MAPK4: variants seen among roughly 807,000 people sequenced by gnomAD.
The protein encoded by MAPK4 is Erk3-related.
In MAPK4, 22 loss-of-function variants were observed where a neutral mutation model predicts 47.7. The ratio of observed to expected loss-of-function variants is 0.46; its 90% CI spans 0.33 to 0.66. The LOEUF (loss-of-function observed/expected upper bound fraction) is 0.66. MAPK4 is among the 30% of genes least tolerant of loss of function. The pLI is 0.02. For missense variants in MAPK4, 736 were observed against 831.7 expected (o/e 0.88, Z 1.42); for synonymous variants, 390 against 365.7 (o/e 1.07, Z -0.76).
At chr18:50,700,422 A>G (rs1286926084) in intron 2 of MAPK4, among the ~76,000 whole-genome samples, 1 of 152,244 alleles carries the variant, frequency 6.6e-6, no homozygotes, top group Non-Finnish European at 1.5e-5. Context: ...ATACTCTACA[A>G]CTGTGAAAGT....
intron 1 of MAPK4, among the ~76,000 whole-genome samples, chr18:50,595,001 G>A (rs2042469615): frequency 6.6e-6 from 1 of 152,148 alleles, no homozygotes; most frequent in Admixed American, 6.5e-5. Flanking sequence ...AAACCACAAT[G>A]GGATACTATT....
rs1440070542 is a variant in MAPK4, at chr18:50,678,977, C to T, written c.546+14473C>T. Among the ~76,000 whole-genome samples, 1 of 152,164 alleles carries T rather than the reference C, an allele frequency of 6.6e-6. No homozygotes were observed. Among genetic ancestry groups the T allele is most frequent in the Non-Finnish European group, 1.5e-5 (1 of 68,028 alleles). ...ATACAAATACTACCATCTGTAGGAA[C>T]CATGCAAACTCCAGCAGTAAGCTCG... On this transcript the variant is annotated intron_variant, in intron 2 of 5. Coordinates refer to ENST00000400384, the MANE Select transcript of MAPK4 (RefSeq NM_002747.4). This position sits in a 1 kb window ranked among gnomAD's most constrained non-coding sequence, Gnocchi z 4.2.
At chr18:50,715,664 T>C (rs1450735415) in intron 3 of MAPK4, among the ~76,000 whole-genome samples, 1 of 152,234 alleles carries the variant, frequency 6.6e-6, no homozygotes, top group Non-Finnish European at 1.5e-5. Flanking sequence ...TGAGATGGCA[T>C]CATCTATGAA....
In MAPK4 at chr18:50,725,929, A is replaced by C. The variant is rs192359160; in HGVS notation, c.854-33A>C. On this transcript the variant is annotated intron_variant, in intron 4 of 5. Transcript: ENST00000400384. ...CCTTCTGAGCTCAACAAGGGCAACA[A>C]ATGACCTTCATGTCCGGCTTTGCTC... is the stretch of plus-strand genomic sequence containing the variant. 528 of 1,567,908 alleles carry C rather than the reference A, an allele frequency of 3.4e-4. 1 individual carries two copies. Among genetic ancestry groups the C allele is most frequent in the Non-Finnish European group, 4.3e-4 (495 of 1,138,236 alleles).
At chr18:50,573,629 C>T (rs1368296854) in intron 1 of MAPK4, among the ~76,000 whole-genome samples, 1 of 152,180 alleles carries the variant, frequency 6.6e-6, no homozygotes, top group Non-Finnish European at 1.5e-5. Context: ...TTGTATGCAT[C>T]TCCCATACCC....
At position 50,729,424 on chromosome 18, in the gene MAPK4, A is replaced by G. The variant is rs764881429; in HGVS notation, c.1334A>G (p.Asp445Gly). 5.2e-6 allele frequency: 8 copies of G among 1,547,880 alleles called. No individual in the cohort carries two copies. The South Asian group carries it at 8.2e-5, about 16-fold the overall frequency. The stretch of plus-strand genomic sequence containing the variant: ...TACCTGGACAAGCTGCTGTGGCGCG[A>G]CAACAAGCCGCACCACTACTCGGAG... ...PSYLDKLLWR[D>G]NKPHHYSEPK... is the part of the protein sequence containing the mutation. Residue 445 changes from aspartate to glycine, a missense_variant, in exon 6 of 6, where the codon GAC (aspartate) becomes GGC (glycine). This residue lies in a region of MAPK4 where 377 missense variants were observed against 378.6 expected (regional missense o/e 1.00). Coordinates refer to ENST00000400384, the MANE Select transcript of MAPK4 (RefSeq NM_002747.4).
intron 2 of MAPK4, among the ~76,000 whole-genome samples, chr18:50,690,808 C>T (rs1161186046): frequency 1.3e-5 from 2 of 152,136 alleles, no homozygotes; most frequent in Non-Finnish European, 2.9e-5. Context: ...TTTAAATGAA[C>T]CTGTGCTACT....
intron 1 of MAPK4, among the ~76,000 whole-genome samples, chr18:50,620,216 G>A (rs1568048202): frequency 6.6e-6 from 1 of 152,198 alleles, no homozygotes; most frequent in East Asian, 1.9e-4. Flanking sequence ...TGACCATCGA[G>A]CTGGAAGTGG....
chr18:50,588,835 T>C (rs918904854), intron 1 of MAPK4, among the ~76,000 whole-genome samples: 1 of 152,164 alleles, frequency 6.6e-6, no homozygotes, highest in African/African-American at 2.4e-5. Flanking sequence ...GGATTATAGG[T>C]GTGAGCCACT....
intron 1 of MAPK4, among the ~76,000 whole-genome samples, chr18:50,630,060 C>T (rs982547970): frequency 6.6e-6 from 1 of 152,272 alleles, no homozygotes; most frequent in Admixed American, 6.5e-5. Context: ...CTGAAGGAAC[C>T]TCCTGTGTTG....
chr18:50,608,405 G>A (rs1003344018), intron 1 of MAPK4, among the ~76,000 whole-genome samples: 2 of 152,192 alleles, frequency 1.3e-5, no homozygotes, highest in Non-Finnish European at 1.5e-5. Flanking sequence ...CCCTCATCCT[G>A]GTTGAGAGTT....
chr18:50,682,159 G>T (rs532300078), intron 2 of MAPK4, among the ~76,000 whole-genome samples: 1 of 152,186 alleles, frequency 6.6e-6, no homozygotes, highest in East Asian at 1.9e-4. Flanking sequence ...AGTGATGATT[G>T]TATTACCTTG....
chr18:50,598,139 C>A (rs561432589), intron 1 of MAPK4, among the ~76,000 whole-genome samples: 94 of 152,332 alleles, frequency 6.2e-4, no homozygotes, highest in Non-Finnish European at 1.1e-3. Context: ...CTAAAACCTC[C>A]AAGATATGTT....
At chr18:50,611,675 C>T (rs533162126) in intron 1 of MAPK4, among the ~76,000 whole-genome samples, 19 of 152,146 alleles carry the variant, frequency 1.2e-4, no homozygotes, top group Non-Finnish European at 1.9e-4. Flanking sequence ...CATTTAATGA[C>T]GTAGCGTTTG....
rs1016841643 is a variant in MAPK4, at chr18:50,711,744, A to AT, written c.547-3327dup. 2.0e-5 allele frequency among the ~76,000 whole-genome samples: 3 copies of AT among 151,630 alleles called. No homozygotes were observed. The East Asian group carries it at 5.8e-4, about 29-fold the overall frequency. Reference sequence around the variant, plus strand: ...GGCTTGGGCAGAGGGCTATTTGGAGATTTTTTTTGAGCCAATATACTTATT... The same window carrying AT: ...GGCTTGGGCAGAGGGCTATTTGGAGATTTTTTTTTGAGCCAATATACTTATT... On this transcript the variant is annotated intron_variant, in intron 2 of 5. Transcript: ENST00000400384.
At chr18:50,570,643 C>T (rs2042241612) in intron 1 of MAPK4, among the ~76,000 whole-genome samples, 1 of 152,152 alleles carries the variant, frequency 6.6e-6, no homozygotes, top group Non-Finnish European at 1.5e-5. Context: ...GTCAAGACAG[C>T]CTTTCCAGAT....
At chr18:50,666,757 G>C (rs113337187) in intron 2 of MAPK4, among the ~76,000 whole-genome samples, 1 of 152,104 alleles carries the variant, frequency 6.6e-6, no homozygotes, top group Admixed American at 6.6e-5. Flanking sequence ...CTGCAACCCC[G>C]TGTTTGGCAG....
intron 1 of MAPK4, among the ~76,000 whole-genome samples, chr18:50,611,852 T>A (rs1297133638): frequency 6.6e-6 from 1 of 152,172 alleles, no homozygotes; most frequent in Non-Finnish European, 1.5e-5. Flanking sequence ...TGACATCACT[T>A]TCCCTGATCA....
At chr18:50,665,845 T>C (rs1568071234) in intron 2 of MAPK4, among the ~76,000 whole-genome samples, 1 of 152,162 alleles carries the variant, frequency 6.6e-6, no homozygotes, top group Non-Finnish European at 1.5e-5. Flanking sequence ...CAGCCAACTC[T>C]GTAGGAAGGA....
Sources: gnomAD v4.1 joint callset for allele counts (sites outside exome capture counted in the v4.1 genomes callset) on GRCh38, gnomAD v4.1.1 for gene constraint, gnomAD v4.1.1 regional missense constraint, Gnocchi (gnomAD v3.1) non-coding constraint, MANE v1.5 for transcripts, NCBI Gene and HGNC (gene_info 2026-07-23, HGNC 2026-07-21) for gene names.